The following PHACTR4 variants were observed in gnomAD, a reference collection of about 807,000 sequenced individuals.
PHACTR4 encodes phosphatase and actin regulator 4.
In PHACTR4, 51 loss-of-function variants were observed where a neutral mutation model predicts 72.7. The ratio of observed to expected loss-of-function variants is 0.70; its 90% confidence interval spans 0.56 to 0.89. The LOEUF (loss-of-function observed/expected upper bound fraction) is 0.89. Ranked by LOEUF, PHACTR4 falls within the 40% of genes least tolerant of loss-of-function variation. The pLI is 0.00. For missense variants in PHACTR4, 731 were observed against 861.8 expected (o/e 0.85, Z 1.90); for synonymous variants, 255 against 302.5 (o/e 0.84, Z 1.63).
chr1:28,483,798 C>CAAAAAA (rs991081654), intron 9 of PHACTR4, among the ~76,000 whole-genome samples: 2 of 71,000 alleles, frequency 2.8e-5, no homozygotes, highest in African/African-American at 9.3e-5. Flanking sequence ...GACTCCGTCT[C>CAAAAAA]AAAAAAAAAA....
intron 1 of PHACTR4, among the ~76,000 whole-genome samples, chr1:28,377,613 A>G (rs1651788325): frequency 2.0e-5 from 3 of 151,990 alleles, no homozygotes; most frequent in Non-Finnish European, 2.9e-5. Context: ...TCATGAGGCC[A>G]CAAGGTGGAG....
chr1:28,451,219 G>C (rs1184527510), intron 2 of PHACTR4, among the ~76,000 whole-genome samples: 1 of 151,240 alleles, frequency 6.6e-6, no homozygotes, highest in Non-Finnish European at 1.5e-5. Context: ...CTTCCAATGT[G>C]CTGGGATTAC....
chr1:28,480,440 C>T lies in PHACTR4; in HGVS notation c.1607-11C>T, dbSNP rs200831663. The stretch of plus-strand genomic sequence containing the variant: ...TCAAGTTCTACATTTTTTTCTTCCC[C>T]GTGTGCAAAGGTGCTCTCGCCAACA... On this transcript the variant is annotated splice_polypyrimidine_tract_variant and intron_variant, in intron 8 of 13. Transcript: ENST00000373839. 217 of 1,611,040 alleles carry T rather than the reference C, an allele frequency of 1.3e-4. No homozygotes were observed. The African/African-American group carries it at 2.2e-3, about 16-fold the overall frequency.
chr1:28,455,825 T>A (rs1458531994), intron 2 of PHACTR4, among the ~76,000 whole-genome samples: 2 of 152,122 alleles, frequency 1.3e-5, no homozygotes, highest in African/African-American at 4.8e-5. Context: ...GATATGAATA[T>A]GTATGTGTGA....
intron 9 of PHACTR4, 142 bp from the exon 10 acceptor site, chr1:28,489,028 T>C (rs1254762475): frequency 3.4e-5 from 19 of 563,444 alleles, no homozygotes; most frequent in Non-Finnish European, 1.5e-5. Context: ...TAAACAATCA[T>C]AAATAAATGA....
At chr1:28,425,938 G>A (rs892599891) in intron 2 of PHACTR4, among the ~76,000 whole-genome samples, 3 of 151,616 alleles carry the variant, frequency 2.0e-5, no homozygotes, top group African/African-American at 4.8e-5. Context: ...GATGTCAACT[G>A]GGCCGGGCAC....
chr1:28,385,075 A>T (rs1557777548), intron 1 of PHACTR4, among the ~76,000 whole-genome samples: 1 of 151,962 alleles, frequency 6.6e-6, no homozygotes, highest in African/African-American at 2.4e-5. Context: ...TTTAGTTGTA[A>T]TGTTAGGTTG....
At chr1:28,417,941 G>A (rs1326177755) in intron 2 of PHACTR4, among the ~76,000 whole-genome samples, 7 of 120,136 alleles carry the variant, frequency 5.8e-5, no homozygotes, top group Non-Finnish European at 6.8e-5. Context: ...AACATTGGGA[G>A]ACCCTACAAA....
chr1:28,429,299 A>G (rs1261602683), intron 2 of PHACTR4, among the ~76,000 whole-genome samples: 1 of 152,214 alleles, frequency 6.6e-6, no homozygotes, highest in Admixed American at 6.5e-5. Context: ...GCTTCATATG[A>G]CAAATCTATC....
At chr1:28,452,268 A>C (rs559946828) in intron 2 of PHACTR4, among the ~76,000 whole-genome samples, 1 of 150,884 alleles carries the variant, frequency 6.6e-6, no homozygotes, top group East Asian at 2.0e-4. Context: ...CACTTTGGGA[A>C]TCTGAGGCAA....
intron 1 of PHACTR4, among the ~76,000 whole-genome samples, chr1:28,370,611 CA>C (rs112345135): frequency 5.4e-4 from 70 of 130,082 alleles, no homozygotes; most frequent in East Asian, 6.3e-4. Context: ...TGATTGCTTG[CA>C]AAAAAAAAAA....
rs536334667 is a variant in PHACTR4 at position 28,491,564 on chromosome 1, T to C, written c.1879-86T>C. On this transcript the variant is annotated intron_variant, in intron 11 of 13. Coordinates refer to ENST00000373839, the MANE Select transcript of PHACTR4 (RefSeq NM_001048183.3). ...CTCCCCCAGGTGATTCCAATGAAGATTGAAGCACTGGGTTAGAGGCAATTT... is the reference window on the plus strand; with the variant it reads ...CTCCCCCAGGTGATTCCAATGAAGACTGAAGCACTGGGTTAGAGGCAATTT... 5.6e-5 allele frequency: 87 copies of C among 1,560,278 alleles called. No individual in the cohort carries two copies. In the East Asian group the frequency reaches 1.9e-3, roughly 35 times the overall value.
At chr1:28,471,650 T>C (rs1659568269) in intron 6 of PHACTR4, among the ~76,000 whole-genome samples, 1 of 152,044 alleles carries the variant, frequency 6.6e-6, no homozygotes, top group South Asian at 2.1e-4. Flanking sequence ...GGGACTTTGC[T>C]GAAACAACAC....
At chr1:28,391,175 G>A (rs551633753) in intron 1 of PHACTR4, among the ~76,000 whole-genome samples, 11 of 146,898 alleles carry the variant, frequency 7.5e-5, no homozygotes, top group Admixed American at 1.4e-4. Context: ...CGAGGCAGGC[G>A]GATCATGAGG....
chr1:28,457,862 G>A, intron 2 of PHACTR4: 1 of 984,376 alleles, frequency 1.0e-6, no homozygotes, highest in Non-Finnish European at 1.2e-6. Context: ...AACAGTAGGT[G>A]GAGTGCAAAG....
chr1:28,455,951 A>T (rs189601609), intron 2 of PHACTR4, among the ~76,000 whole-genome samples: 21 of 152,360 alleles, frequency 1.4e-4, no homozygotes, highest in African/African-American at 5.0e-4. Context: ...GCACATTTGC[A>T]TGAGAAGCAA....
chr1:28,446,009 A>AT (rs1161523999), intron 2 of PHACTR4, among the ~76,000 whole-genome samples: 56 of 147,212 alleles, frequency 3.8e-4, no homozygotes, highest in African/African-American at 1.4e-3. Flanking sequence ...ACTGGAGTAA[A>AT]TAATAGGTTA....
intron 1 of PHACTR4, among the ~76,000 whole-genome samples, chr1:28,401,300 C>CTT (rs34281484): frequency 1.2e-3 from 125 of 102,942 alleles, no homozygotes; most frequent in African/African-American, 1.5e-3. Flanking sequence ...ACCTGCTTTA[C>CTT]TTTTTTTTTT....
intron 2 of PHACTR4, among the ~76,000 whole-genome samples, chr1:28,444,214 CTTTTTTTTTTTTTT>C (rs746642128): frequency 1.5e-4 from 6 of 41,088 alleles, no homozygotes; most frequent in Admixed American, 2.8e-4. Context: ...ATATATTTGG[CTTTTTTTTTTTTTT>C]TTTTTTTTTT....
Sources: allele counts gnomAD v4.1 joint callset (sites outside exome capture counted in the v4.1 genomes callset), GRCh38; gene constraint gnomAD v4.1.1; transcripts MANE v1.5; gene names NCBI Gene and HGNC (gene_info 2026-07-23, HGNC 2026-07-21).